SUPT3H: variants seen among roughly 807,000 people sequenced by gnomAD.
SUPT3H encodes SPT3 homolog, SAGA and STAGA complex component, also known as transcription initiation protein SPT3 homolog.
SUPT3H carries 44 observed loss-of-function variants against 44.3 expected under a neutral mutation model. The ratio of observed to expected loss-of-function variants is 0.99; its 90% CI spans 0.78 to 1.28. SUPT3H has a LOEUF of 1.28. Among genes scored for constraint, SUPT3H ranks in the 50% most tolerant of loss-of-function variants. SUPT3H has a pLI of 0.00. For synonymous variants in SUPT3H, 124 were observed against 125.6 expected, an observed-to-expected ratio of 0.99 and a Z score of 0.09; for missense variants, 380 against 387.1, an observed-to-expected ratio of 0.98 and a Z score of 0.15.
chr6:45,121,636 T>C (rs1354188378), intron 2 of SUPT3H, among the ~76,000 whole-genome samples: 4 of 152,056 alleles, frequency 2.6e-5, no homozygotes, highest in African/African-American at 9.7e-5. Context: ...TAAACTCACA[T>C]AACTCATTTC....
intron 3 of SUPT3H, among the ~76,000 whole-genome samples, chr6:45,037,735 G>A (rs1787898526): frequency 6.7e-6 from 1 of 149,630 alleles, no homozygotes; most frequent in Admixed American, 6.7e-5. Context: ...AAAATAAAAG[G>A]GGTAGTTTAT....
At chr6:45,284,380 A>C (rs1416859220) in intron 2 of SUPT3H, among the ~76,000 whole-genome samples, 1 of 152,208 alleles carries the variant, frequency 6.6e-6, no homozygotes, top group East Asian at 1.9e-4. Flanking sequence ...GAGAGGAATC[A>C]AATACATGCA....
At chr6:45,277,716 G>A (rs925515555) in intron 2 of SUPT3H, among the ~76,000 whole-genome samples, 5 of 152,136 alleles carry the variant, frequency 3.3e-5, no homozygotes, top group African/African-American at 2.4e-5. Context: ...TTGGATCTCC[G>A]ATTAGAAGTG....
intron 10 of SUPT3H, among the ~76,000 whole-genome samples, chr6:44,905,658 TC>T (rs1765915243): frequency 1.3e-5 from 2 of 152,222 alleles, no homozygotes; most frequent in Middle Eastern, 3.4e-3. Flanking sequence ...GACCCAGCCA[TC>T]CCATTACTGG....
chr6:44,842,443 C>G (rs2153416630), intron 10 of SUPT3H, among the ~76,000 whole-genome samples: 1 of 151,910 alleles, frequency 6.6e-6, no homozygotes, highest in East Asian at 1.9e-4. Flanking sequence ...ATAAATGTTT[C>G]CTCTACAAAA....
chr6:44,952,898 C>T (rs609571), intron 9 of SUPT3H, among the ~76,000 whole-genome samples: 149,248 of 152,342 alleles, frequency 0.98, 73,118 homozygotes, highest in Middle Eastern at 1. Context: ...GAATCAATAA[C>T]TGAAATGGAA....
intron 3 of SUPT3H, among the ~76,000 whole-genome samples, chr6:45,035,884 G>A (rs999554950): frequency 2.0e-5 from 3 of 151,662 alleles, no homozygotes; most frequent in Non-Finnish European, 4.4e-5. Flanking sequence ...ATCCCAAAAT[G>A]GATGTTCTGG....
At chr6:45,374,650 A>G (rs1796521243) in intron 1 of SUPT3H, among the ~76,000 whole-genome samples, 1 of 151,378 alleles carries the variant, frequency 6.6e-6, no homozygotes, top group Admixed American at 6.6e-5. Context: ...TCACTATTCA[A>G]CCTCACCATA....
intron 2 of SUPT3H, among the ~76,000 whole-genome samples, chr6:45,135,313 C>T (rs1804102846): frequency 6.6e-6 from 1 of 152,132 alleles, no homozygotes; most frequent in Admixed American, 6.5e-5. Flanking sequence ...CTTTAGCAAA[C>T]AGTTGCTTGG....
Position 45,013,096 on chromosome 6 carries a change from C to A in SUPT3H, c.364+1705G>T, listed in dbSNP as rs973199997. On this transcript the variant is annotated intron_variant, in intron 5 of 10. Transcript: ENST00000371459. ...GTTTGCTCCACTGTTTCTGATAATA[C>A]CCTTGGGCATAAATTGCTCCAGAGA... Among the ~76,000 whole-genome samples, 24 of 152,178 alleles carry A rather than the reference C, an allele frequency of 1.6e-4. No individual in the cohort carries two copies. The East Asian group carries it at 4.3e-3, about 27-fold the overall frequency.
intron 6 of SUPT3H, among the ~76,000 whole-genome samples, chr6:44,978,128 C>A (rs1778594953): frequency 6.6e-6 from 1 of 151,948 alleles, no homozygotes; most frequent in African/African-American, 2.4e-5. Flanking sequence ...GATTCTGATT[C>A]TAGTCACTAT....
chr6:45,062,656 G>C (rs571879595), intron 3 of SUPT3H, among the ~76,000 whole-genome samples: 3 of 152,220 alleles, frequency 2.0e-5, no homozygotes, highest in East Asian at 1.9e-4. Context: ...TGGGAAGCGC[G>C]AGGGGTCAGG....
At chr6:45,247,056 C>A (rs141664354) in intron 2 of SUPT3H, among the ~76,000 whole-genome samples, 2 of 151,946 alleles carry the variant, frequency 1.3e-5, no homozygotes, top group Non-Finnish European at 2.9e-5. Flanking sequence ...CCAGTCCAAG[C>A]ACAAAGTACA....
At chr6:45,145,178 A>C (rs1307126582) in intron 2 of SUPT3H, among the ~76,000 whole-genome samples, 1 of 152,118 alleles carries the variant, frequency 6.6e-6, no homozygotes, top group Non-Finnish European at 1.5e-5. Context: ...CCTAAAATTC[A>C]TAGGGGACCA....
At chr6:45,216,883 T>C (rs907380872) in intron 2 of SUPT3H, among the ~76,000 whole-genome samples, 3 of 152,050 alleles carry the variant, frequency 2.0e-5, no homozygotes, top group Non-Finnish European at 4.4e-5. Context: ...GGAAATAAGA[T>C]AGGCAAAGAA....
chr6:45,310,597 T>A (rs534748415), intron 2 of SUPT3H, among the ~76,000 whole-genome samples: 5 of 152,102 alleles, frequency 3.3e-5, no homozygotes, highest in Non-Finnish European at 5.9e-5. Flanking sequence ...ACGGTTCACA[T>A]CAGAAGGACT....
intron 2 of SUPT3H, among the ~76,000 whole-genome samples, chr6:45,296,602 G>A (rs1672426965): frequency 2.0e-5 from 3 of 151,694 alleles, no homozygotes; most frequent in Admixed American, 1.3e-4. Flanking sequence ...AGCGAGGCGT[G>A]GTGGCACATG....
At chr6:45,356,864 C>T (rs1004040955) in intron 2 of SUPT3H, among the ~76,000 whole-genome samples, 55 of 152,174 alleles carry the variant, frequency 3.6e-4, no homozygotes, top group African/African-American at 1.3e-3. Context: ...GAATTTACTA[C>T]TCTTTTCTAA....
intron 2 of SUPT3H, among the ~76,000 whole-genome samples, chr6:45,121,802 A>T (rs987107195): frequency 2.0e-5 from 3 of 151,994 alleles, no homozygotes; most frequent in Admixed American, 2.0e-4. Context: ...CAGTCTCCTG[A>T]GTAGCTGGGA....
Sources: gnomAD v4.1 joint callset for allele counts (sites outside exome capture counted in the v4.1 genomes callset) on GRCh38, gnomAD v4.1.1 for gene constraint, MANE v1.5 for transcripts, NCBI Gene and HGNC (gene_info 2026-07-23, HGNC 2026-07-21) for gene names.